The following BTBD16 variants were observed in gnomAD, a reference collection of about 807,000 sequenced individuals.
The protein encoded by BTBD16 is BTB domain containing 16.
A neutral mutation model predicts 67.4 loss-of-function variants in BTBD16; 66 were observed. The observed-to-expected ratio is 0.98, with a 90% confidence interval of 0.80 to 1.20. The LOEUF (loss-of-function observed/expected upper bound fraction) is 1.20. Ranked by LOEUF, BTBD16 falls within the 50% of genes most tolerant of loss-of-function variation. BTBD16 has a pLI of 0.00. For synonymous variants in BTBD16, 242 were observed against 236.4 expected (o/e 1.02, Z -0.22); for missense variants, 634 against 616.0 (o/e 1.03, Z -0.31).
At chr10:122,277,807 A>G (rs977294362) in intron 3 of BTBD16, among the ~76,000 whole-genome samples, 2 of 152,120 alleles carry the variant, frequency 1.3e-5, no homozygotes, top group Non-Finnish European at 2.9e-5. Context: ...AACATTGGGG[A>G]TCAAATTTCT....
intron 7 of BTBD16, among the ~76,000 whole-genome samples, chr10:122,293,319 T>G (rs2142070141): frequency 6.6e-6 from 1 of 152,332 alleles, no homozygotes; most frequent in South Asian, 2.1e-4. Flanking sequence ...GTTCACACAG[T>G]CAGATTCAAC....
At chr10:122,290,131 G>A (rs2096371233) in intron 6 of BTBD16, 133 bp downstream of exon 6, 2 of 590,806 alleles carry the variant, frequency 3.4e-6, no homozygotes, top group Admixed American at 6.5e-5. Context: ...TATTAAAAAG[G>A]CCCGAACGTG....
At chr10:122,305,790 C>A (rs2096402731) in intron 9 of BTBD16, among the ~76,000 whole-genome samples, 1 of 152,188 alleles carries the variant, frequency 6.6e-6, no homozygotes, top group African/African-American at 2.4e-5. Flanking sequence ...TAATGGTGTC[C>A]ATGTGTACTC....
chr10:122,291,741 GA>G (rs974471728), intron 7 of BTBD16: 2 of 152,188 alleles, frequency 1.3e-5, no homozygotes, highest in Admixed American at 6.5e-5. Flanking sequence ...TCTTTTGGAA[GA>G]GAGGAAAATG....
At chr10:122,296,771 T>A (rs557423066) in intron 7 of BTBD16, among the ~76,000 whole-genome samples, 1 of 152,138 alleles carries the variant, frequency 6.6e-6, no homozygotes, top group Non-Finnish European at 1.5e-5. Flanking sequence ...AGAGGAGCAA[T>A]CAGGGAGACT....
chr10:122,311,124 T>G (rs2096413060), intron 10 of BTBD16, among the ~76,000 whole-genome samples: 1 of 152,240 alleles, frequency 6.6e-6, no homozygotes, highest in Non-Finnish European at 1.5e-5. Flanking sequence ...TTCATTAATT[T>G]TTTTTTCAAT....
chr10:122,289,782 AAC>A, intron 5 of BTBD16, 125 bp from the exon 6 acceptor site: 2 of 565,940 alleles, frequency 3.5e-6, no homozygotes, highest in Non-Finnish European at 6.3e-6. Context: ...ACATCTATGA[AAC>A]AAATAAAATA....
At chr10:122,327,227 C>T (rs941410951) in intron 10 of BTBD16, among the ~76,000 whole-genome samples, 1 of 152,184 alleles carries the variant, frequency 6.6e-6, no homozygotes, top group Non-Finnish European at 1.5e-5. Context: ...AAGCTGAGGA[C>T]ACCACTTTCT....
At chr10:122,307,075 C>T (rs2096404886) in intron 9 of BTBD16, 114 bp from the exon 10 acceptor site, 1 of 1,226,418 alleles carries the variant, frequency 8.2e-7, no homozygotes. Context: ...AGGCTACCTT[C>T]AGACTCAAAT....
chr10:122,276,675 T>C (rs7086389), intron 2 of BTBD16, 116 bp from the exon 3 acceptor site: 537,365 of 1,381,462 alleles, frequency 0.39, 108,031 homozygotes, highest in East Asian at 0.63. Context: ...TGTTCAAAAA[T>C]TAACCAGCAC....
chr10:122,323,374 T>G (rs1448127616), intron 10 of BTBD16, among the ~76,000 whole-genome samples: 1 of 152,212 alleles, frequency 6.6e-6, no homozygotes, highest in Non-Finnish European at 1.5e-5. Context: ...TCTCAGGGCC[T>G]AGGGATGACT....
intron 11 of BTBD16, 25 bp from the exon 12 acceptor site, chr10:122,331,151 A>G: frequency 2.5e-6 from 4 of 1,604,110 alleles, no homozygotes; most frequent in Non-Finnish European, 3.4e-6. Flanking sequence ...AAACTAAAAA[A>G]CATTCTCTTT....
intron 10 of BTBD16, among the ~76,000 whole-genome samples, chr10:122,309,403 A>G (rs1180745307): frequency 1.3e-5 from 2 of 148,864 alleles, no homozygotes; most frequent in Non-Finnish European, 1.5e-5. Flanking sequence ...GGAGTGCAGT[A>G]GCGCCATCTC....
In BTBD16 at chr10:122,297,768, G is replaced by T. The variant is rs377339402; in HGVS notation, c.591G>T (p.Arg197Ser). The T allele has an allele frequency of 9.9e-6, 16 of 1,614,000 alleles. No homozygotes were observed. Among genetic ancestry groups the T allele is most frequent in the Non-Finnish European group, 1.4e-5 (16 of 1,180,008 alleles). ...AGAAACTGCAGTTCTCTCTCTCCAG[G>T]TGCGTGGATGTGATGATAGCCAGAC... ...HILQFSGLFQ[R>S]CVDVMIARLK... Residue 197 changes from arginine (R) to serine (S), a missense_variant and splice_region_variant, in exon 8 of 16, where the codon AGG (arginine) becomes AGT (serine). Coordinates refer to ENST00000260723, the MANE Select transcript of BTBD16 (RefSeq NM_144587.5).
chr10:122,301,153 C>A (rs185858467), intron 9 of BTBD16, among the ~76,000 whole-genome samples: 2 of 152,126 alleles, frequency 1.3e-5, no homozygotes, highest in South Asian at 2.1e-4. Flanking sequence ...GCAAAGGTTG[C>A]GCAATTGTTG....
chr10:122,302,290 C>T (rs1217085469), intron 9 of BTBD16, among the ~76,000 whole-genome samples: 1 of 152,094 alleles, frequency 6.6e-6, no homozygotes. Context: ...ATTTGCCTGG[C>T]ATTTGGTTTC....
intron 9 of BTBD16, chr10:122,303,738 G>A (rs2096398384): frequency 3.0e-6 from 2 of 661,136 alleles, no homozygotes; most frequent in Non-Finnish European, 1.9e-6. Flanking sequence ...GGCTGCTAGC[G>A]AGTGCCAGTA....
intron 7 of BTBD16, chr10:122,294,256 A>T (rs1438536609): frequency 1.0e-6 from 1 of 974,884 alleles, no homozygotes; most frequent in Non-Finnish European, 1.2e-6. Context: ...GTGTAACGGA[A>T]GTGCCCCAGG....
intron 9 of BTBD16, among the ~76,000 whole-genome samples, chr10:122,301,812 G>A (rs1352105164): frequency 6.6e-6 from 1 of 152,134 alleles, no homozygotes; most frequent in Non-Finnish European, 1.5e-5. Flanking sequence ...CCACGTGGTG[G>A]TCACAGTTAT....
Sources: gnomAD v4.1 joint callset for allele counts (sites outside exome capture counted in the v4.1 genomes callset) on GRCh38, gnomAD v4.1.1 for gene constraint, MANE v1.5 for transcripts, NCBI Gene and HGNC (gene_info 2026-07-23, HGNC 2026-07-21) for gene names.